Variants in GDAP1 observed in about 807,000 individuals in gnomAD.
The protein encoded by GDAP1 is ganglioside-induced differentiation-associated protein 1.
GDAP1 carries 34 observed loss-of-function variants against 40.1 expected under a neutral mutation model. The ratio of observed to expected loss-of-function variants is 0.85; its 90% CI spans 0.64 to 1.13. GDAP1 has a LOEUF of 1.13. Ranked by LOEUF, GDAP1 falls within the 50% of genes most tolerant of loss-of-function variation. The pLI is 0.00. For synonymous variants in GDAP1, 170 were observed against 157.4 expected (o/e 1.08, Z -0.60); for missense variants, 374 against 433.7 (o/e 0.86, Z 1.22).
chr8:74,416,167 C>T (rs757633577), intron 2 of GDAP1, among the ~76,000 whole-genome samples: 1 of 149,962 alleles, frequency 6.7e-6, no homozygotes, highest in Non-Finnish European at 1.5e-5. Context: ...CCCACTGGGA[C>T]TACTTATTGT....
chr8:74,411,683 A>C, intron 2 of GDAP1, among the ~76,000 whole-genome samples: 1 of 146,572 alleles, frequency 6.8e-6, no homozygotes, highest in Non-Finnish European at 1.5e-5. Context: ...GGAGTTTGAA[A>C]CCAGCCTGGG....
intron 2 of GDAP1, among the ~76,000 whole-genome samples, chr8:74,420,668 A>C (rs1404463583): frequency 6.6e-6 from 1 of 152,152 alleles, no homozygotes; most frequent in Non-Finnish European, 1.5e-5. Flanking sequence ...TCTCTGAAGT[A>C]GTTATTATTA....
intron 2 of GDAP1, among the ~76,000 whole-genome samples, chr8:74,399,032 C>T (rs537105696): frequency 3.3e-5 from 5 of 151,818 alleles, no homozygotes; most frequent in Admixed American, 1.3e-4. Flanking sequence ...TGTCTCTGCC[C>T]GGCTTTGGTG....
intron 2 of GDAP1, among the ~76,000 whole-genome samples, chr8:74,417,441 A>AG (rs900714810): frequency 2.0e-5 from 3 of 150,174 alleles, no homozygotes; most frequent in African/African-American, 7.6e-5. Context: ...AAAAAATAAA[A>AG]GTGTCCCAAT....
rs536591508 is a variant in GDAP1, at chr8:74,470,758, C to G, written c.166-17920C>G. ...TAGCAGCATGATTTATAATCCTTTGCGTATATACCCAGTAATGGGATGGCT... is the reference window on the plus strand; with the variant it reads ...TAGCAGCATGATTTATAATCCTTTGGGTATATACCCAGTAATGGGATGGCT... On this transcript the variant is annotated intron_variant, in intron 2 of 2. Transcript: ENST00000523640. Among the ~76,000 whole-genome samples the G allele has an allele frequency of 6.2e-4, 95 of 152,208 alleles. 2 individuals carry two copies. The South Asian group carries it at 0.011, about 18-fold the overall frequency.
At chr8:74,392,580 A>G (rs1172117495) in intron 2 of GDAP1, among the ~76,000 whole-genome samples, 3 of 152,214 alleles carry the variant, frequency 2.0e-5, no homozygotes, top group Non-Finnish European at 4.4e-5. Context: ...ACTAGTGAGA[A>G]GTAGTAACCC....
At chr8:74,371,358 C>A (rs969248867), downstream of GDAP1, among the ~76,000 whole-genome samples, 1 of 152,106 alleles carries the variant, frequency 6.6e-6, no homozygotes, top group Non-Finnish European at 1.5e-5. Flanking sequence ...AAGAAGAAAT[C>A]ATAAGGGAAT....
chr8:74,393,514 A>G (rs1409724278), intron 2 of GDAP1, among the ~76,000 whole-genome samples: 1 of 152,204 alleles, frequency 6.6e-6, no homozygotes, highest in Non-Finnish European at 1.5e-5. Flanking sequence ...TGTTCTGAAC[A>G]GCCTAGAAAA....
At chr8:74,473,153 T>A (rs1469706464) in intron 2 of GDAP1, among the ~76,000 whole-genome samples, 3 of 152,120 alleles carry the variant, frequency 2.0e-5, no homozygotes, top group South Asian at 4.1e-4. Flanking sequence ...TTTGTTTTTT[T>A]AATCTAAATT....
At chr8:74,415,377 C>A (rs1805765146) in intron 2 of GDAP1, among the ~76,000 whole-genome samples, 1 of 150,038 alleles carries the variant, frequency 6.7e-6, no homozygotes, top group Admixed American at 6.6e-5. Flanking sequence ...CGTTAGCATG[C>A]CTCCCCCACT....
intron 2 of GDAP1, among the ~76,000 whole-genome samples, chr8:74,460,317 A>C (rs1174760110): frequency 6.6e-6 from 1 of 152,212 alleles, no homozygotes; most frequent in East Asian, 1.9e-4. Context: ...ATGAGAAGGG[A>C]ATGTTCCATT....
Position 74,364,166 on chromosome 8 carries a change from T to G in GDAP1, c.876T>G (p.Val292=). ...RVLKRKTFNK[V]LGHVNNILIS... is the part of the protein sequence containing the mutation. Reference sequence around the variant, plus strand: ...TGAAGAGAAAAACATTTAACAAGGTTTTAGGACATGTCAACAATATATTAA... The same window carrying G: ...TGAAGAGAAAAACATTTAACAAGGTGTTAGGACATGTCAACAATATATTAA... Residue 292 remains valine, a synonymous_variant, in exon 6 of 6, where the codon GTT becomes GTG. Coordinates refer to ENST00000220822, the MANE Select transcript of GDAP1 (RefSeq NM_018972.4). 6.2e-7 allele frequency: 1 copy of G among 1,614,092 alleles called. No homozygotes were observed. The highest frequency in any genetic ancestry group is 1.1e-5 in the South Asian group (1 of 91,070).
At chr8:74,399,213 C>G (rs143029904) in intron 2 of GDAP1, among the ~76,000 whole-genome samples, 4,063 of 141,528 alleles carry the variant, frequency 0.029, 559 homozygotes, top group African/African-American at 0.12. Context: ...ATTGATTATT[C>G]CCACAATTTC....
rs142674939 is a variant in GDAP1, at chr8:74,350,533, T to G, written c.72T>G (p.Val24=). ...LRAEGKADAE[V]KLILYHWTHS... is the part of the protein sequence containing the mutation. ...CGGAAGGCAAGGCCGACGCGGAGGT[T>G]AAGCTCATTCTGTACCATTGGACGC... Residue 24 remains valine (V), a synonymous_variant, in exon 1 of 6, where the codon GTT becomes GTG. Transcript: ENST00000220822. The G allele has an allele frequency of 2.0e-5, 33 of 1,613,120 alleles. No individual in the cohort carries two copies. The highest frequency in any genetic ancestry group is 2.8e-5 in the Non-Finnish European group (33 of 1,179,168).
chr8:74,388,831 T>G (rs1810063971), intron 2 of GDAP1, among the ~76,000 whole-genome samples: 1 of 152,196 alleles, frequency 6.6e-6, no homozygotes, highest in Non-Finnish European at 1.5e-5. Context: ...TTTGTAGGTC[T>G]GTAAGAAATT....
Position 74,350,917 on chromosome 8 carries a change from C to A in GDAP1, c.117+339C>A, listed in dbSNP as rs12545409. 0.34 allele frequency among the ~76,000 whole-genome samples: 52,335 copies of A among 152,100 alleles called. 9,811 individuals carry two copies. Among genetic ancestry groups the A allele is most frequent in the Middle Eastern group, 0.46 (132 of 290 alleles). On this transcript the variant is annotated intron_variant, in intron 1 of 5. Transcript: ENST00000220822. ...GGACCCTCATAATCTGCGATCTCTT[C>A]TTTTGCTCTCTCGCATTCACTGTCT...
intron 3 of GDAP1, among the ~76,000 whole-genome samples, chr8:74,361,113 C>T (rs1262962358): frequency 6.6e-6 from 1 of 151,956 alleles, no homozygotes; most frequent in Non-Finnish European, 1.5e-5. Context: ...CTCCACTGCC[C>T]TCTCTTCCTG....
At chr8:74,381,873 G>T (rs4339639) in intron 2 of GDAP1, among the ~76,000 whole-genome samples, 54,137 of 151,778 alleles carry the variant, frequency 0.36, 10,217 homozygotes, top group Middle Eastern at 0.46. Context: ...TGTGAGAGAG[G>T]TCTTAAACTT....
At chr8:74,355,468 C>G (rs141209199) in intron 2 of GDAP1, among the ~76,000 whole-genome samples, 14 of 152,306 alleles carry the variant, frequency 9.2e-5, no homozygotes, top group African/African-American at 3.4e-4. Context: ...TAGACTCTTT[C>G]ATGTACATGA....
Sources: allele counts gnomAD v4.1 joint callset (sites outside exome capture counted in the v4.1 genomes callset), GRCh38; gene constraint gnomAD v4.1.1; transcripts MANE v1.5; gene names NCBI Gene and HGNC (gene_info 2026-07-23, HGNC 2026-07-21).